The following HIPK2 variants were observed in gnomAD, a reference collection of about 807,000 sequenced individuals.
HIPK2 encodes the protein homeodomain interacting protein kinase 2.
In HIPK2, 27 loss-of-function variants were observed where a neutral mutation model predicts 113.7. The observed-to-expected ratio is 0.24, with a 90% CI of 0.17 to 0.33. The LOEUF is 0.33. Ranked by LOEUF, HIPK2 falls within the 10% of genes least tolerant of loss-of-function variation. HIPK2 has a pLI of 1.00. For synonymous variants in HIPK2, 631 were observed against 642.2 expected, an observed-to-expected ratio of 0.98 and a Z score of 0.26; for missense variants, 1,257 against 1,588.0, an observed-to-expected ratio of 0.79 and a Z score of 3.54.
At chr7:139,696,703 G>A (rs1158947537) in intron 2 of HIPK2, among the ~76,000 whole-genome samples, 1 of 152,134 alleles carries the variant, frequency 6.6e-6, no homozygotes, top group African/African-American at 2.4e-5. Flanking sequence ...ACAAAGAAAT[G>A]GACATAAAAG....
At chr7:139,769,629 C>A (rs1433020085) in intron 1 of HIPK2, among the ~76,000 whole-genome samples, 1 of 152,216 alleles carries the variant, frequency 6.6e-6, no homozygotes, top group Non-Finnish European at 1.5e-5. Flanking sequence ...CAGAGCTTTG[C>A]CTATTGCTGT....
At chr7:139,689,220 C>T (rs1173791036) in intron 2 of HIPK2, among the ~76,000 whole-genome samples, 3 of 152,084 alleles carry the variant, frequency 2.0e-5, no homozygotes, top group South Asian at 2.1e-4. Context: ...AAACTGCTAT[C>T]GGGAAAACTT....
At chr7:139,700,381 A>G (rs1179054398) in intron 2 of HIPK2, among the ~76,000 whole-genome samples, 1 of 152,194 alleles carries the variant, frequency 6.6e-6, no homozygotes, top group Non-Finnish European at 1.5e-5. Flanking sequence ...TGATGGGGAC[A>G]ATAAGGCTGC....
intron 1 of HIPK2, among the ~76,000 whole-genome samples, chr7:139,767,671 AT>A (rs1455817241): frequency 2.6e-5 from 4 of 152,272 alleles, no homozygotes; most frequent in Non-Finnish European, 5.9e-5. Flanking sequence ...GGTCAGTTTC[AT>A]CAGCTTTGCT....
intron 1 of HIPK2, among the ~76,000 whole-genome samples, chr7:139,750,596 A>G (rs1472743523): frequency 6.6e-6 from 1 of 152,220 alleles, no homozygotes; most frequent in African/African-American, 2.4e-5. Flanking sequence ...GTGTTGCATC[A>G]AACCAGTAGA....
At chr7:139,757,826 TTGAA>T (rs1184399571) in intron 1 of HIPK2, among the ~76,000 whole-genome samples, 1 of 152,152 alleles carries the variant, frequency 6.6e-6, no homozygotes, top group African/African-American at 2.4e-5. Flanking sequence ...ACTATACACT[TTGAA>T]TGGGTAAATT....
intron 12 of HIPK2, among the ~76,000 whole-genome samples, chr7:139,587,721 T>C (rs1798884359): frequency 6.6e-6 from 1 of 151,364 alleles, no homozygotes; most frequent in Non-Finnish European, 1.5e-5. Flanking sequence ...TCTACAAAAA[T>C]AAAAACATTA....
chr7:139,671,699 C>T (rs1342241917), intron 2 of HIPK2, among the ~76,000 whole-genome samples: 5 of 152,112 alleles, frequency 3.3e-5, no homozygotes, highest in Non-Finnish European at 7.4e-5. Flanking sequence ...TACAGGCGCA[C>T]GCCACCACCC....
intron 10 of HIPK2, 82 bp from the exon 11 acceptor site, chr7:139,600,678 A>G (rs1236038152): frequency 1.0e-5 from 15 of 1,472,344 alleles, no homozygotes; most frequent in Middle Eastern, 3.9e-4. Flanking sequence ...TTCCTCCCCA[A>G]TTAAACGCTG....
At chr7:139,619,773 T>C (rs1800173408) in intron 7 of HIPK2, among the ~76,000 whole-genome samples, 1 of 152,018 alleles carries the variant, frequency 6.6e-6, no homozygotes, top group Non-Finnish European at 1.5e-5. Flanking sequence ...TTTTTCTTTG[T>C]TTTTTGAGAC....
chr7:139,594,917 G>A (rs1009642635), intron 12 of HIPK2, among the ~76,000 whole-genome samples: 6 of 152,150 alleles, frequency 3.9e-5, no homozygotes, highest in Non-Finnish European at 1.5e-5. Context: ...CTGCTGCCCA[G>A]CCTCTCGGTT....
intron 11 of HIPK2, among the ~76,000 whole-genome samples, chr7:139,597,519 A>G (rs997381145): frequency 6.6e-6 from 1 of 152,182 alleles, no homozygotes; most frequent in East Asian, 1.9e-4. Flanking sequence ...TTCAGGATCT[A>G]AAGGACCTAA....
rs970796430 is a variant in HIPK2 at position 139,569,020 on chromosome 7, G to A, written c.*3907C>T. ...TCTGGGGACAGCGTGTGAGCACCCA[G>A]CGCACACAGCACAGTGCACTGAAGA... On this transcript the variant is annotated 3_prime_UTR_variant, in exon 15 of 15. Transcript: ENST00000406875. The A allele has an allele frequency of 1.3e-5, 2 of 152,354 alleles. No homozygotes were observed. The highest frequency in any genetic ancestry group is 2.9e-5 in the Non-Finnish European group (2 of 68,156). The allele number at this position is 152,354 out of a possible 1,614,324, so 9.4% of individuals were successfully genotyped here.
chr7:139,749,169 A>G (rs1349555218), intron 1 of HIPK2, among the ~76,000 whole-genome samples: 1 of 152,210 alleles, frequency 6.6e-6, no homozygotes, highest in African/African-American at 2.4e-5. Flanking sequence ...ACAAATGAAG[A>G]AAGTCCCTCC....
intron 13 of HIPK2, among the ~76,000 whole-genome samples, chr7:139,579,657 T>G (rs780869132): frequency 1.3e-5 from 2 of 149,758 alleles, no homozygotes; most frequent in Non-Finnish European, 2.9e-5. Flanking sequence ...ACCGGAAACC[T>G]GGGGACAGAA....
intron 11 of HIPK2, among the ~76,000 whole-genome samples, chr7:139,598,404 A>G (rs1253619040): frequency 6.6e-6 from 1 of 152,192 alleles, no homozygotes; most frequent in Non-Finnish European, 1.5e-5. Flanking sequence ...ATATGATTGT[A>G]CCATTGTTTG....
At chr7:139,601,949 C>CTTTTTTT (rs1053542551) in intron 10 of HIPK2, among the ~76,000 whole-genome samples, 7 of 116,346 alleles carry the variant, frequency 6.0e-5, no homozygotes, top group East Asian at 2.3e-4. Flanking sequence ...ATTATGGCTT[C>CTTTTTTT]TTTTTTTTTT....
chr7:139,573,356 T>TCGGTGG lies in HIPK2; in HGVS notation c.3162_3167dup (p.His1055_Arg1056dup). The TCGGTGG allele has an allele frequency of 8.7e-6, 14 of 1,605,062 alleles. No homozygotes were observed. Among genetic ancestry groups the TCGGTGG allele is most frequent in the Non-Finnish European group, 1.2e-5 (14 of 1,179,782 alleles). ...TGGGAGTGATGTAGGCCTGCTGCCTTCGGTGGCTCCCAGTGCGGTCCGTGG... is the reference window on the plus strand; with the variant it reads ...TGGGAGTGATGTAGGCCTGCTGCCTTCGGTGGCGGTGGCTCCCAGTGCGGTCCGTGG... On this transcript the variant is annotated inframe_insertion, in exon 15 of 15. Coordinates refer to ENST00000406875, the MANE Select transcript of HIPK2 (RefSeq NM_022740.5).
intron 12 of HIPK2, among the ~76,000 whole-genome samples, chr7:139,584,560 G>T (rs1311611854): frequency 6.6e-6 from 1 of 152,254 alleles, no homozygotes; most frequent in Non-Finnish European, 1.5e-5. Context: ...GCTTATGCAG[G>T]AGGGAGCAGA....
Sources: gnomAD v4.1 joint callset for allele counts (sites outside exome capture counted in the v4.1 genomes callset) on GRCh38, gnomAD v4.1.1 for gene constraint, MANE v1.5 for transcripts, NCBI Gene and HGNC (gene_info 2026-07-23, HGNC 2026-07-21) for gene names.